LINGO1: variants seen among roughly 807,000 people sequenced by gnomAD.
LINGO1 encodes leucine rich repeat and Ig domain containing 1.
A neutral mutation model predicts 37.3 loss-of-function variants in LINGO1; 11 were observed. That is an observed-to-expected ratio of 0.29 (90% CI 0.19 to 0.49). The LOEUF is 0.49. Among genes scored for constraint, LINGO1 ranks in the 20% least tolerant of loss-of-function variants. The pLI is 0.99. For missense variants in LINGO1, 585 were observed against 878.2 expected, an observed-to-expected ratio of 0.67 and a Z score of 4.22; for synonymous variants, 387 against 403.0, an observed-to-expected ratio of 0.96 and a Z score of 0.48.
At chr15:77,619,706 TAA>T (rs1271395840) in intron 1 of LINGO1, among the ~76,000 whole-genome samples, 1 of 93,762 alleles carries the variant, frequency 1.1e-5, no homozygotes, top group African/African-American at 8.5e-5. Context: ...AATAAATAAA[TAA>T]AATAAAATAA....
intron 2 of LINGO1, among the ~76,000 whole-genome samples, chr15:77,711,425 C>T (rs2075916768): frequency 2.6e-5 from 4 of 152,190 alleles, no homozygotes; most frequent in Admixed American, 2.6e-4. Context: ...GGAGAGAAGA[C>T]ACCTTCCTGC....
At chr15:77,633,957 G>GA (rs556009835), upstream of LINGO1, among the ~76,000 whole-genome samples, 294 of 152,266 alleles carry the variant, frequency 1.9e-3, no homozygotes, top group Non-Finnish European at 3.7e-3. Flanking sequence ...AGTTTTATTA[G>GA]AATAACCATC....
intron 1 of LINGO1, among the ~76,000 whole-genome samples, chr15:77,816,511 A>T (rs2141487900): frequency 6.6e-6 from 1 of 152,312 alleles, no homozygotes; most frequent in African/African-American, 2.4e-5. Context: ...TGGGTTTGTT[A>T]GAATATCTTT....
intron 2 of LINGO1, among the ~76,000 whole-genome samples, chr15:77,678,450 T>G (rs2075363081): frequency 6.6e-6 from 1 of 152,244 alleles, no homozygotes; most frequent in Non-Finnish European, 1.5e-5. Flanking sequence ...TGAGTCTGGT[T>G]TCGTTCACCC....
chr15:77,776,521 G>GCAGGAAGGGAGT (rs1567577738), intron 1 of LINGO1, among the ~76,000 whole-genome samples: 1 of 80,728 alleles, frequency 1.2e-5, no homozygotes, highest in African/African-American at 4.3e-5. Context: ...AGGCAGGAAG[G>GCAGGAAGGGAGT]GAGGAAGGGA....
At chr15:77,767,255 A>G (rs1024468197) in intron 1 of LINGO1, among the ~76,000 whole-genome samples, 6 of 152,230 alleles carry the variant, frequency 3.9e-5, no homozygotes, top group African/African-American at 1.4e-4. Context: ...AGCAACTGTG[A>G]TTTCTTAACA....
At position 77,750,143 on chromosome 15, in the gene LINGO1, G is replaced by C. The variant is rs555094624; in HGVS notation, c.-256-15090C>G. Among the ~76,000 whole-genome samples the C allele has an allele frequency of 7.8e-4, 118 of 152,052 alleles. 1 individual carries two copies. Among genetic ancestry groups the C allele is most frequent in the African/African-American group, 2.8e-3 (117 of 41,504 alleles). On this transcript the variant is annotated intron_variant, in intron 1 of 3. Coordinates refer to the LINGO1 transcript ENST00000561686. ...AGGGGCCACGTCCCCGATGCCCCCCGAGACAGCCTTGCCAATGGCCCCTTC... is the reference window on the plus strand; with the variant it reads ...AGGGGCCACGTCCCCGATGCCCCCCCAGACAGCCTTGCCAATGGCCCCTTC...
chr15:77,675,518 G>A (rs1256938024), intron 3 of LINGO1, among the ~76,000 whole-genome samples: 1 of 152,126 alleles, frequency 6.6e-6, no homozygotes, highest in African/African-American at 2.4e-5. Flanking sequence ...TCAAGTGCTG[G>A]AGCAATATAA....
rs1387468564 is a variant in LINGO1 at position 77,817,031 on chromosome 15, G to C, written c.-458+3227C>G. Among the ~76,000 whole-genome samples, 8 of 71,778 alleles carry C rather than the reference G, an allele frequency of 1.1e-4. No homozygotes were observed. The Admixed American group carries it at 1.4e-3, about 13-fold the overall frequency. The allele number at this position is 71,778 out of a possible 152,430, so 47.1% of individuals were successfully genotyped here. ...CAAAGAAAGGCCATGATCAGCCAGAGCCAACAAGGGAGGAGCAGGGAGAGG... is the reference window on the plus strand; with the variant it reads ...CAAAGAAAGGCCATGATCAGCCAGACCCAACAAGGGAGGAGCAGGGAGAGG... On this transcript the variant is annotated intron_variant, in intron 1 of 5. Coordinates refer to the LINGO1 transcript ENST00000562933.
intron 1 of LINGO1, among the ~76,000 whole-genome samples, chr15:77,739,683 A>C (rs2076241027): frequency 6.6e-6 from 1 of 152,222 alleles, no homozygotes; most frequent in Admixed American, 6.5e-5. Context: ...GGGGGTGACA[A>C]GTTGGCTCAG....
intron 3 of LINGO1, among the ~76,000 whole-genome samples, chr15:77,655,657 C>G (rs539225396): frequency 6.6e-6 from 1 of 152,236 alleles, no homozygotes; most frequent in South Asian, 2.1e-4. Flanking sequence ...CCATACCCAT[C>G]TTACAGACTG....
At chr15:77,738,807 G>A (rs927808789) in intron 1 of LINGO1, among the ~76,000 whole-genome samples, 2 of 145,574 alleles carry the variant, frequency 1.4e-5, no homozygotes, top group Non-Finnish European at 3.0e-5. Context: ...AAGGAAGGAA[G>A]GAAGGAAAGA....
intron 3 of LINGO1, among the ~76,000 whole-genome samples, chr15:77,657,975 C>T (rs944233828): frequency 2.1e-4 from 32 of 152,190 alleles, no homozygotes; most frequent in African/African-American, 6.0e-4. Flanking sequence ...CCGTCTCTGC[C>T]GCCCGCCCAA....
At chr15:77,812,579 G>T (rs1351385581) in intron 1 of LINGO1, among the ~76,000 whole-genome samples, 1 of 152,204 alleles carries the variant, frequency 6.6e-6, no homozygotes, top group Non-Finnish European at 1.5e-5. Flanking sequence ...CAGACAGGGG[G>T]GCTTGCGTCT....
intron 1 of LINGO1, among the ~76,000 whole-genome samples, chr15:77,815,187 A>G (rs888750663): frequency 1.3e-5 from 2 of 152,036 alleles, no homozygotes; most frequent in Non-Finnish European, 2.9e-5. Context: ...AGCGGCTGGC[A>G]CCTCCCCTGA....
At chr15:77,807,274 G>GC (rs1305974717) in intron 1 of LINGO1, among the ~76,000 whole-genome samples, 1 of 152,208 alleles carries the variant, frequency 6.6e-6, no homozygotes, top group Non-Finnish European at 1.5e-5. Context: ...GTGTGGTGGT[G>GC]CCCCCTCTAA....
chr15:77,799,583 C>T lies in LINGO1; in HGVS notation c.-457-3530G>A, dbSNP rs78283663. On this transcript the variant is annotated intron_variant, in intron 1 of 5. Transcript: ENST00000562933. ...TGGGCCCCAGACTTGCCTCCTCCTC[C>T]CCCAGCCTCAGCAGCTCCCGCTTTG... Among the ~76,000 whole-genome samples, 588 of 152,276 alleles carry T rather than the reference C, an allele frequency of 3.9e-3. 4 individuals are homozygous for T. The highest frequency in any genetic ancestry group is 0.013 in the African/African-American group (553 of 41,536).
intron 3 of LINGO1, among the ~76,000 whole-genome samples, chr15:77,667,292 T>C (rs2075152579): frequency 6.6e-6 from 1 of 152,186 alleles, no homozygotes; most frequent in African/African-American, 2.4e-5. Flanking sequence ...CTCTCCCACC[T>C]CCGGCTATCT....
In LINGO1 at chr15:77,676,245, T is replaced by C. The variant is rs570082825; in HGVS notation, c.-13+844A>G. ...CAACAGCCACTGGAGGCAGCTGATC[T>C]GAGGCCAGGGTGAGCCCAGCAAGGA... On this transcript the variant is annotated intron_variant, in intron 3 of 3. Coordinates refer to the LINGO1 transcript ENST00000559893. Among the ~76,000 whole-genome samples, 3 of 152,330 alleles carry C rather than the reference T, an allele frequency of 2.0e-5. No homozygotes were observed. The South Asian group carries it at 6.2e-4, about 32-fold the overall frequency.
Sources: gnomAD v4.1 joint callset for allele counts (sites outside exome capture counted in the v4.1 genomes callset) on GRCh38, gnomAD v4.1.1 for gene constraint, MANE v1.5 for transcripts, NCBI Gene and HGNC (gene_info 2026-07-23, HGNC 2026-07-21) for gene names.